Variants in CNTN4 observed in about 807,000 individuals in gnomAD.
CNTN4 encodes contactin 4, also known as contactin-4.
Under a neutral mutation model 122.5 loss-of-function variants are expected in CNTN4, and 77 were observed. That is an observed-to-expected ratio of 0.63 (90% CI 0.52 to 0.76). The LOEUF (loss-of-function observed/expected upper bound fraction) is 0.76. Ranked by LOEUF, CNTN4 falls within the 30% of genes least tolerant of loss-of-function variation. CNTN4 has a pLI of 0.00. For synonymous variants in CNTN4, 512 were observed against 447.0 expected, an observed-to-expected ratio of 1.15 and a Z score of -1.83; for missense variants, 1,256 against 1,259.1, an observed-to-expected ratio of 1.00 and a Z score of 0.04.
At chr3:2,640,660 C>T (rs1400386690) in intron 4 of CNTN4, among the ~76,000 whole-genome samples, 2 of 151,630 alleles carry the variant, frequency 1.3e-5, no homozygotes, top group Non-Finnish European at 2.9e-5. Flanking sequence ...TGTATATATG[C>T]ACACATATAT....
intron 4 of CNTN4, among the ~76,000 whole-genome samples, chr3:2,715,956 T>G (rs79236100): frequency 0.011 from 1,742 of 152,290 alleles, 27 homozygotes; most frequent in African/African-American, 0.039. Flanking sequence ...TTACATGTTT[T>G]AATTTTATTT....
intron 2 of CNTN4, among the ~76,000 whole-genome samples, chr3:2,141,477 G>A (rs2034993158): frequency 6.6e-6 from 1 of 152,098 alleles, no homozygotes; most frequent in Non-Finnish European, 1.5e-5. Context: ...CAGGAAGGAA[G>A]CCCTGCCCAG....
chr3:2,458,908 G>A (rs2049098436), intron 3 of CNTN4, among the ~76,000 whole-genome samples: 1 of 152,084 alleles, frequency 6.6e-6, no homozygotes, highest in South Asian at 2.1e-4. Context: ...ATGCAATATT[G>A]GATCTTTCGT....
intron 2 of CNTN4, among the ~76,000 whole-genome samples, chr3:2,275,646 G>A (rs1183710171): frequency 6.6e-6 from 1 of 151,930 alleles, no homozygotes; most frequent in Non-Finnish European, 1.5e-5. Flanking sequence ...TCTTGGCCAG[G>A]CGCGGTGGGT....
At chr3:2,278,351 G>T (rs935858746) in intron 2 of CNTN4, among the ~76,000 whole-genome samples, 4 of 152,206 alleles carry the variant, frequency 2.6e-5, no homozygotes, top group African/African-American at 9.6e-5. Context: ...ACACATCCCA[G>T]TGAACCTCAG....
At chr3:2,542,808 C>T (rs927994003) in intron 3 of CNTN4, among the ~76,000 whole-genome samples, 1 of 152,038 alleles carries the variant, frequency 6.6e-6, no homozygotes, top group African/African-American at 2.4e-5. Context: ...TGGCATGTTT[C>T]CTGGGCCAGA....
chr3:2,498,484 T>C (rs1173074733), intron 3 of CNTN4, among the ~76,000 whole-genome samples: 1 of 147,602 alleles, frequency 6.8e-6, no homozygotes, highest in Non-Finnish European at 1.5e-5. Flanking sequence ...TTGTTGTCGT[T>C]GTTGTTGTTG....
At chr3:2,981,290 A>T (rs1343512558) in intron 13 of CNTN4, among the ~76,000 whole-genome samples, 1 of 151,936 alleles carries the variant, frequency 6.6e-6, no homozygotes, top group African/African-American at 2.4e-5. Context: ...TAAAAATACA[A>T]AAAATTAGCC....
chr3:2,138,985 G>T (rs1173077749), intron 2 of CNTN4, among the ~76,000 whole-genome samples: 1 of 152,146 alleles, frequency 6.6e-6, no homozygotes, highest in East Asian at 1.9e-4. Flanking sequence ...GGTTTTATGG[G>T]GAGTGGATTT....
intron 3 of CNTN4, among the ~76,000 whole-genome samples, chr3:2,457,953 A>T (rs2049061044): frequency 6.6e-6 from 1 of 152,134 alleles, no homozygotes; most frequent in Non-Finnish European, 1.5e-5. Flanking sequence ...CCACCTCAGG[A>T]TTCACTTAGA....
chr3:2,993,538 G>A (rs190286774), intron 14 of CNTN4, among the ~76,000 whole-genome samples: 9 of 151,910 alleles, frequency 5.9e-5, no homozygotes, highest in African/African-American at 1.7e-4. Flanking sequence ...GACCTCAGAT[G>A]ATCTGCCCGC....
At chr3:2,412,468 G>T (rs1381851577) in intron 3 of CNTN4, among the ~76,000 whole-genome samples, 4 of 152,010 alleles carry the variant, frequency 2.6e-5, no homozygotes, top group Non-Finnish European at 5.9e-5. Flanking sequence ...GGTCAGGCTG[G>T]TCTCAAACTC....
intron 2 of CNTN4, among the ~76,000 whole-genome samples, chr3:2,242,199 C>T (rs1229167962): frequency 6.6e-6 from 1 of 152,084 alleles, no homozygotes; most frequent in African/African-American, 2.4e-5. Context: ...TTTGACCATT[C>T]TTGCTTTGCT....
chr3:2,703,465 T>C (rs2086472142), intron 4 of CNTN4, among the ~76,000 whole-genome samples: 1 of 152,196 alleles, frequency 6.6e-6, no homozygotes, highest in African/African-American at 2.4e-5. Flanking sequence ...TTATTCTTTT[T>C]TAACTTAAAA....
At chr3:2,535,303 G>C (rs181042818) in intron 3 of CNTN4, among the ~76,000 whole-genome samples, 5 of 152,166 alleles carry the variant, frequency 3.3e-5, no homozygotes, top group Admixed American at 2.6e-4. Flanking sequence ...ATGACTTTCT[G>C]ATGCAAGAGT....
intron 3 of CNTN4, among the ~76,000 whole-genome samples, chr3:2,467,872 A>T (rs948396875): frequency 3.9e-5 from 6 of 152,198 alleles, no homozygotes; most frequent in Non-Finnish European, 7.3e-5. Context: ...TTTGCCATTC[A>T]TGCAGCATTC....
chr3:2,903,454 A>G (rs2094196607), intron 12 of CNTN4, among the ~76,000 whole-genome samples: 1 of 152,112 alleles, frequency 6.6e-6, no homozygotes. Context: ...TTCCAACTAC[A>G]TGTTTGATCG....
Position 2,729,528 on chromosome 3 carries a change from A to C in CNTN4, c.56-6687A>C, listed in dbSNP as rs557183771. Among the ~76,000 whole-genome samples, 30 of 121,872 alleles carry C rather than the reference A, an allele frequency of 2.5e-4. 2 individuals carry two copies. The highest frequency in any genetic ancestry group is 0.011 in the Middle Eastern group (2 of 178). The allele number at this position is 121,872 out of a possible 152,430, so 80.0% of individuals were successfully genotyped here. On this transcript the variant is annotated intron_variant, in intron 4 of 24. Transcript: ENST00000418658. ...CACTGCTCTCCAGCCTGGGCAACAGAGTGAGACTCCATCTCAAAAAAAAAA... is the reference window on the plus strand; with the variant it reads ...CACTGCTCTCCAGCCTGGGCAACAGCGTGAGACTCCATCTCAAAAAAAAAA...
intron 4 of CNTN4, among the ~76,000 whole-genome samples, chr3:2,586,888 C>T (rs1422692920): frequency 2.0e-5 from 3 of 152,212 alleles, no homozygotes; most frequent in Non-Finnish European, 4.4e-5. Flanking sequence ...CCTACAGTAG[C>T]AGTCATTATG....
Sources: gnomAD v4.1 joint callset for allele counts (sites outside exome capture counted in the v4.1 genomes callset) on GRCh38, gnomAD v4.1.1 for gene constraint, MANE v1.5 for transcripts, NCBI Gene and HGNC (gene_info 2026-07-23, HGNC 2026-07-21) for gene names.